Variants in PEPD observed in about 807,000 individuals in gnomAD.
PEPD encodes the protein peptidase D, also known as xaa-Pro dipeptidase.
Under a neutral mutation model 60.7 loss-of-function variants are expected in PEPD, and 53 were observed. That is an observed-to-expected ratio of 0.87 (90% CI 0.70 to 1.10). The LOEUF is 1.10. Ranked by LOEUF, PEPD falls within the 50% of genes least tolerant of loss-of-function variation. The pLI is 0.00. For missense variants in PEPD, 711 were observed against 711.9 expected (o/e 1.00, Z 0.01); for synonymous variants, 267 against 284.1 (o/e 0.94, Z 0.60).
intron 9 of PEPD, among the ~76,000 whole-genome samples, chr19:33,421,575 CA>C (rs1568462912): frequency 6.6e-6 from 1 of 152,198 alleles, no homozygotes; most frequent in African/African-American, 2.4e-5. Flanking sequence ...ACTGCAGGCT[CA>C]AAGTCCTGGG....
intron 11 of PEPD, among the ~76,000 whole-genome samples, chr19:33,409,038 C>T (rs1242934860): frequency 6.6e-6 from 1 of 152,260 alleles, no homozygotes; most frequent in Non-Finnish European, 1.5e-5. Flanking sequence ...GCATTAACAT[C>T]CTCGGATCAC....
intron 6 of PEPD, among the ~76,000 whole-genome samples, chr19:33,480,860 G>A (rs536944216): frequency 6.9e-4 from 104 of 150,374 alleles, no homozygotes; most frequent in African/African-American, 2.5e-3. Context: ...AACCTAACAC[G>A]TAGCTCTAAA....
chr19:33,480,625 T>C (rs1970296785), intron 6 of PEPD, among the ~76,000 whole-genome samples: 1 of 152,058 alleles, frequency 6.6e-6, no homozygotes, highest in African/African-American at 2.4e-5. Flanking sequence ...TGAAAACCCG[T>C]CTCTACTGAA....
intron 2 of PEPD, chr19:33,511,423 C>T (rs961218341): frequency 3.3e-5 from 15 of 449,458 alleles, no homozygotes; most frequent in South Asian, 3.0e-4. Flanking sequence ...CCTGTATCCC[C>T]ACCCCCGGGC....
chr19:33,392,099 T>C (rs1003864135), intron 12 of PEPD, among the ~76,000 whole-genome samples: 4 of 152,208 alleles, frequency 2.6e-5, no homozygotes, highest in Non-Finnish European at 4.4e-5. Context: ...ACGAGCTGGC[T>C]GGCAGGGGTT....
chr19:33,509,091 A>C (rs997860714), intron 3 of PEPD, among the ~76,000 whole-genome samples: 16 of 152,254 alleles, frequency 1.1e-4, no homozygotes. Context: ...GGACCTGCAC[A>C]GGTCACACCA....
chr19:33,394,006 T>G (rs73584393), intron 12 of PEPD, among the ~76,000 whole-genome samples: 4,423 of 152,334 alleles, frequency 0.029, 216 homozygotes, highest in African/African-American at 0.1. Context: ...GCACGGTCCA[T>G]CCAGCCTGCA....
chr19:33,459,655 A>C (rs1399813297), intron 9 of PEPD, among the ~76,000 whole-genome samples: 2 of 149,672 alleles, frequency 1.3e-5, no homozygotes, highest in Admixed American at 1.4e-4. Context: ...GTCTTCATAA[A>C]TGCCATCCGC....
chr19:33,415,235 C>T (rs750941480), intron 9 of PEPD, among the ~76,000 whole-genome samples: 4 of 152,210 alleles, frequency 2.6e-5, no homozygotes, highest in Non-Finnish European at 4.4e-5. Flanking sequence ...TCATTCTCGA[C>T]GTGATGGCGA....
rs567875268 is a variant in PEPD at position 33,417,018 on chromosome 19, C to T, written c.672-3375G>A. ...CACAAATCCAGCCCGTGGAGCGCTC[C>T]CGGGCACACGGCCCAGCTCCTGCCC... On this transcript the variant is annotated intron_variant, in intron 9 of 14. Transcript: ENST00000244137. 3.9e-5 allele frequency among the ~76,000 whole-genome samples: 6 copies of T among 152,312 alleles called. No homozygotes were observed. In the South Asian group the frequency reaches 1.2e-3, roughly 32 times the overall value.
intron 11 of PEPD, among the ~76,000 whole-genome samples, chr19:33,406,941 T>C (rs967651257): frequency 2.0e-5 from 3 of 152,104 alleles, no homozygotes; most frequent in Non-Finnish European, 4.4e-5. Flanking sequence ...CCACCCCCCA[T>C]GCCCAGGAGC....
intron 13 of PEPD, among the ~76,000 whole-genome samples, chr19:33,390,100 A>G (rs1968178891): frequency 6.6e-6 from 1 of 152,268 alleles, no homozygotes; most frequent in South Asian, 2.1e-4. Flanking sequence ...ATGTGTCTGC[A>G]GGCCTGAAAT....
chr19:33,434,456 T>G (rs978905064), intron 9 of PEPD, among the ~76,000 whole-genome samples: 1 of 152,094 alleles, frequency 6.6e-6, no homozygotes, highest in African/African-American at 2.4e-5. Context: ...ACTTTGAAGC[T>G]CATCACTTTG....
chr19:33,428,653 AGCCCTCTGT>A (rs1969203935), intron 9 of PEPD, among the ~76,000 whole-genome samples: 3 of 152,088 alleles, frequency 2.0e-5, no homozygotes, highest in Non-Finnish European at 4.4e-5. Flanking sequence ...CACCACCAAA[AGCCCTCTGT>A]AGGCAAGTCC....
intron 6 of PEPD, among the ~76,000 whole-genome samples, chr19:33,482,281 T>C (rs1264071082): frequency 6.6e-6 from 1 of 152,162 alleles, no homozygotes; most frequent in Non-Finnish European, 1.5e-5. Flanking sequence ...CAAGATTCCT[T>C]CAACATACAA....
At chr19:33,435,429 T>A (rs930643053) in intron 9 of PEPD, among the ~76,000 whole-genome samples, 2 of 152,132 alleles carry the variant, frequency 1.3e-5, no homozygotes, top group African/African-American at 4.8e-5. Context: ...TGCCTCCCTG[T>A]CACTTCCGGC....
At chr19:33,434,282 C>T (rs1969332966) in intron 9 of PEPD, among the ~76,000 whole-genome samples, 1 of 152,174 alleles carries the variant, frequency 6.6e-6, no homozygotes, top group Non-Finnish European at 1.5e-5. Context: ...CTCTAGACTC[C>T]TCCCCCACCT....
At chr19:33,471,017 C>T (rs1447529246) in intron 7 of PEPD, among the ~76,000 whole-genome samples, 1 of 152,120 alleles carries the variant, frequency 6.6e-6, no homozygotes, top group African/African-American at 2.4e-5. Context: ...CGTAATCTGC[C>T]AAAGGAGAAA....
intron 9 of PEPD, among the ~76,000 whole-genome samples, chr19:33,414,952 G>A (rs1968857123): frequency 6.6e-6 from 1 of 152,212 alleles, no homozygotes; most frequent in South Asian, 2.1e-4. Flanking sequence ...AAGCGCTCAG[G>A]AGGCCGCTTC....
Sources: gnomAD v4.1 joint callset for allele counts (sites outside exome capture counted in the v4.1 genomes callset) on GRCh38, gnomAD v4.1.1 for gene constraint, MANE v1.5 for transcripts, NCBI Gene and HGNC (gene_info 2026-07-23, HGNC 2026-07-21) for gene names.